Variants in SNX6 observed in about 807,000 individuals in gnomAD.
SNX6 encodes the protein sorting nexin-6.
In SNX6, 34 loss-of-function variants were observed where a neutral mutation model predicts 63.0. The ratio of observed to expected loss-of-function variants is 0.54; its 90% CI spans 0.41 to 0.72. The LOEUF (loss-of-function observed/expected upper bound fraction) is 0.72. Ranked by LOEUF, SNX6 falls within the 30% of genes least tolerant of loss-of-function variation. The probability of loss-of-function intolerance (pLI) is 0.00; values close to 1 mark genes in which losing one functional copy is unlikely to be tolerated. For missense variants in SNX6, 398 were observed against 471.4 expected, an observed-to-expected ratio of 0.84 and a Z score of 1.44; for synonymous variants, 170 against 164.2, an observed-to-expected ratio of 1.04 and a Z score of -0.27.
intron 13 of SNX6, among the ~76,000 whole-genome samples, chr14:34,567,209 G>A (rs146333618): frequency 6.6e-6 from 1 of 151,508 alleles, no homozygotes; most frequent in Non-Finnish European, 1.5e-5. Context: ...CAGACTAGCC[G>A]GGTACGGTGG....
chr14:34,563,451 C>T (rs368181918), intron 13 of SNX6, among the ~76,000 whole-genome samples: 2 of 151,466 alleles, frequency 1.3e-5, no homozygotes, highest in South Asian at 2.1e-4. Context: ...CCCAGCTACT[C>T]GGTATGCTGA....
chr14:34,598,843 C>A (rs1335521026), intron 6 of SNX6, among the ~76,000 whole-genome samples: 1 of 152,156 alleles, frequency 6.6e-6, no homozygotes, highest in Non-Finnish European at 1.5e-5. Flanking sequence ...ACAACTGCAC[C>A]TGTGAATAGC....
At chr14:34,575,145 C>A (rs193118582) in intron 11 of SNX6, among the ~76,000 whole-genome samples, 7 of 150,400 alleles carry the variant, frequency 4.7e-5, no homozygotes, top group African/African-American at 1.7e-4. Flanking sequence ...ACCACCTCAG[C>A]CTCCCAAAGT....
At chr14:34,569,571 C>T (rs991061888) in intron 11 of SNX6, among the ~76,000 whole-genome samples, 8 of 152,008 alleles carry the variant, frequency 5.3e-5, no homozygotes, top group South Asian at 2.1e-4. Flanking sequence ...GGACTACAGG[C>T]GTGTGCCACC....
intron 6 of SNX6, among the ~76,000 whole-genome samples, chr14:34,600,776 A>G (rs1478871675): frequency 2.0e-5 from 3 of 152,024 alleles, no homozygotes; most frequent in African/African-American, 7.2e-5. Context: ...GGTGGCTCAC[A>G]CCTGTAATCC....
At chr14:34,594,647 C>T (rs1396264933) in intron 7 of SNX6, among the ~76,000 whole-genome samples, 1 of 152,120 alleles carries the variant, frequency 6.6e-6, no homozygotes, top group Non-Finnish European at 1.5e-5. Context: ...CAGGAGTGAG[C>T]CACTGCACCT....
chr14:34,628,430 G>A (rs185766218), intron 2 of SNX6, among the ~76,000 whole-genome samples: 357 of 152,256 alleles, frequency 2.3e-3, no homozygotes, highest in African/African-American at 6.5e-3. Context: ...CTGCACTCCA[G>A]TCTGGGTGAC....
At chr14:34,579,187 A>G (rs1881840579) in intron 10 of SNX6, among the ~76,000 whole-genome samples, 1 of 152,046 alleles carries the variant, frequency 6.6e-6, no homozygotes, top group Admixed American at 6.6e-5. Context: ...TATATACCCA[A>G]CAGAATTGTA....
intron 6 of SNX6, among the ~76,000 whole-genome samples, chr14:34,602,325 C>T (rs1009142118): frequency 6.6e-6 from 1 of 151,736 alleles, no homozygotes; most frequent in African/African-American, 2.4e-5. Flanking sequence ...ACTTGAGAGT[C>T]TGAGGCAGAA....
chr14:34,568,046 T>C (rs1423824400), intron 11 of SNX6, 33 bp from the exon 12 acceptor site: 6 of 1,584,294 alleles, frequency 3.8e-6, no homozygotes, highest in African/African-American at 1.4e-5. Flanking sequence ...ATAGTATATA[T>C]ACTGCATGTT....
rs776508893 is a variant in SNX6 at position 34,630,062 on chromosome 14, C to G, written c.6+49G>C. 91 of 1,458,850 alleles carry G rather than the reference C, an allele frequency of 6.2e-5. No homozygotes were observed. In the African/African-American group the frequency reaches 1.3e-3, roughly 21 times the overall value. The allele number at this position is 1,458,850 out of a possible 1,614,324, so 90.4% of individuals were successfully genotyped here. A position where few individuals can be genotyped will look rare whatever the true frequency, so the allele number is the denominator to read the frequency against. ...GCGGTCCCCGCGCCCGCCCCGCGCC[C>G]GCTGCCCCCACCGCGCTCCCGGGAC... On this transcript the variant is annotated intron_variant, in intron 1 of 13. Coordinates refer to ENST00000362031, the MANE Select transcript of SNX6 (RefSeq NM_152233.4).
intron 11 of SNX6, among the ~76,000 whole-genome samples, chr14:34,573,076 G>A (rs1881523124): frequency 1.3e-5 from 2 of 152,020 alleles, no homozygotes; most frequent in African/African-American, 4.8e-5. Flanking sequence ...TGAACTCCTG[G>A]GCTCAAGCAA....
intron 3 of SNX6, among the ~76,000 whole-genome samples, chr14:34,608,583 T>C (rs1566486923): frequency 1.3e-5 from 2 of 152,206 alleles, no homozygotes; most frequent in Non-Finnish European, 2.9e-5. Flanking sequence ...TATCTTCGGA[T>C]TGTTGGGAAA....
In SNX6 at chr14:34,563,247, G is replaced by T. The variant is rs1881009798; in HGVS notation, c.1168-72C>A. 2.8e-6 allele frequency: 4 copies of T among 1,410,740 alleles called. No homozygotes were observed. In the African/African-American group the frequency reaches 4.3e-5, roughly 15 times the overall value. 87.4% of individuals were successfully genotyped at this position (1,410,740 alleles called of 1,614,324 possible). The stretch of plus-strand genomic sequence containing the variant: ...TCAGAAGACTCCTACTGAAAATACA[G>T]TTAGAAACGACATAAAATATAGTGT... On this transcript the variant is annotated intron_variant, in intron 13 of 13. Coordinates refer to ENST00000362031, the MANE Select transcript of SNX6 (RefSeq NM_152233.4).
chr14:34,628,081 T>C (rs1594756284), intron 2 of SNX6, among the ~76,000 whole-genome samples: 1 of 152,328 alleles, frequency 6.6e-6, no homozygotes, highest in East Asian at 1.9e-4. Flanking sequence ...CTGGGCACAG[T>C]GACTCACGCC....
intron 10 of SNX6, among the ~76,000 whole-genome samples, chr14:34,576,080 C>T (rs758988649): frequency 2.0e-4 from 30 of 151,826 alleles, no homozygotes; most frequent in Admixed American, 1.3e-3. Context: ...CCCGCCACCA[C>T]GCCCGGCTAT....
At chr14:34,616,126 T>C (rs1359942869) in intron 2 of SNX6, among the ~76,000 whole-genome samples, 3 of 152,234 alleles carry the variant, frequency 2.0e-5, no homozygotes, top group Non-Finnish European at 4.4e-5. Flanking sequence ...CAGCTAATTT[T>C]TGTATTTTTA....
intron 7 of SNX6, among the ~76,000 whole-genome samples, chr14:34,595,970 A>T (rs1365160448): frequency 2.0e-5 from 3 of 152,226 alleles, no homozygotes; most frequent in Admixed American, 2.0e-4. Flanking sequence ...CTGTAATCCC[A>T]GCACTTTGGG....
At chr14:34,597,204 C>T (rs1566480216) in intron 7 of SNX6, among the ~76,000 whole-genome samples, 4 of 152,292 alleles carry the variant, frequency 2.6e-5, no homozygotes, top group South Asian at 2.1e-4. Flanking sequence ...ATGGAATACA[C>T]GTGAATGGCA....
Sources: allele counts gnomAD v4.1 joint callset (sites outside exome capture counted in the v4.1 genomes callset), GRCh38; gene constraint gnomAD v4.1.1; transcripts MANE v1.5; gene names NCBI Gene and HGNC (gene_info 2026-07-23, HGNC 2026-07-21).